Variants in CHRM3 observed in about 807,000 individuals in gnomAD.
The protein encoded by CHRM3 is muscarinic acetylcholine receptor M3.
CHRM3 carries 11 observed loss-of-function variants against 41.8 expected under a neutral mutation model. The observed-to-expected ratio is 0.26, with a 90% CI of 0.17 to 0.44. The LOEUF (loss-of-function observed/expected upper bound fraction) is 0.44, where lower values mean the gene tolerates loss of function less well. Among genes scored for constraint, CHRM3 ranks in the 20% least tolerant of loss-of-function variants. The pLI, the probability that CHRM3 is intolerant of heterozygous loss-of-function variation, is 1.00. For missense variants in CHRM3, 571 were observed against 745.4 expected, an observed-to-expected ratio of 0.77 and a Z score of 2.72; for synonymous variants, 297 against 301.4, an observed-to-expected ratio of 0.99 and a Z score of 0.15.
At chr1:239,844,855 A>T (rs1674133320) in intron 6 of CHRM3, among the ~76,000 whole-genome samples, 1 of 152,172 alleles carries the variant, frequency 6.6e-6, no homozygotes, top group Non-Finnish European at 1.5e-5. Context: ...CCAAACACTG[A>T]TATTCATTTT....
intron 1 of CHRM3, among the ~76,000 whole-genome samples, chr1:239,473,251 G>A (rs371520602): frequency 5.3e-5 from 7 of 131,192 alleles, no homozygotes; most frequent in East Asian, 2.4e-4. Flanking sequence ...CTTAATAAAC[G>A]TAAGCATATT....
chr1:239,429,973 CT>C (rs35583332), intron 1 of CHRM3, among the ~76,000 whole-genome samples: 114 of 138,146 alleles, frequency 8.3e-4, no homozygotes, highest in Middle Eastern at 3.9e-3. Flanking sequence ...CCCAGACAAT[CT>C]TTTTTTTTTT....
At chr1:239,815,788 G>C (rs188317731) in intron 5 of CHRM3, among the ~76,000 whole-genome samples, 1 of 152,242 alleles carries the variant, frequency 6.6e-6, no homozygotes, top group African/African-American at 2.4e-5. Flanking sequence ...TTTGATCTTG[G>C]AGCACATGGT....
intron 6 of CHRM3, among the ~76,000 whole-genome samples, chr1:239,900,356 T>C (rs1011192287): frequency 5.3e-5 from 8 of 151,522 alleles, no homozygotes; most frequent in African/African-American, 1.9e-4. Context: ...CTCTCATTTC[T>C]AATAAGTACT....
chr1:239,816,533 A>C (rs1217932854), intron 5 of CHRM3, among the ~76,000 whole-genome samples: 2 of 152,008 alleles, frequency 1.3e-5, no homozygotes, highest in East Asian at 3.9e-4. Context: ...CCTCCAGATA[A>C]CAAGCTCAGA....
chr1:239,468,009 G>A (rs1323683807), intron 1 of CHRM3, among the ~76,000 whole-genome samples: 11 of 152,000 alleles, frequency 7.2e-5, no homozygotes, highest in Admixed American at 4.6e-4. Context: ...ATGGAAATAT[G>A]CTAAAAGCAC....
At chr1:239,736,080 T>C (rs183905027) in intron 5 of CHRM3, among the ~76,000 whole-genome samples, 5 of 152,256 alleles carry the variant, frequency 3.3e-5, no homozygotes, top group Admixed American at 3.3e-4. Flanking sequence ...CTCTGAATAA[T>C]AGCAGCTAGT....
At chr1:239,874,711 A>C (rs1172359485) in intron 6 of CHRM3, among the ~76,000 whole-genome samples, 1 of 141,598 alleles carries the variant, frequency 7.1e-6, no homozygotes, top group Non-Finnish European at 1.5e-5. Context: ...TTTTTTTTTT[A>C]TTTTGCGATG....
chr1:239,783,559 A>G (rs1668662873), intron 5 of CHRM3, among the ~76,000 whole-genome samples: 2 of 152,184 alleles, frequency 1.3e-5, no homozygotes, highest in Admixed American at 1.3e-4. Flanking sequence ...AACAGAGAGA[A>G]GTGAGTAAAT....
At chr1:239,583,397 T>C (rs1663086223) in intron 3 of CHRM3, among the ~76,000 whole-genome samples, 1 of 152,154 alleles carries the variant, frequency 6.6e-6, no homozygotes, top group Non-Finnish European at 1.5e-5. Context: ...ATTCAAGAAA[T>C]AGGAAATGTC....
At chr1:239,435,979 G>A (rs901274364) in intron 1 of CHRM3, among the ~76,000 whole-genome samples, 6 of 152,066 alleles carry the variant, frequency 3.9e-5, no homozygotes, top group Non-Finnish European at 5.9e-5. Context: ...CATTAAAGTG[G>A]GGAAGTGGAA....
intron 3 of CHRM3, among the ~76,000 whole-genome samples, chr1:239,606,627 A>G (rs1304432408): frequency 6.6e-6 from 1 of 152,162 alleles, no homozygotes; most frequent in Non-Finnish European, 1.5e-5. Context: ...CATAAAGAAT[A>G]GCTCTGTGTT....
chr1:239,400,151 C>T (rs181652703), intron 1 of CHRM3, among the ~76,000 whole-genome samples: 100 of 152,262 alleles, frequency 6.6e-4, no homozygotes, highest in African/African-American at 2.2e-3. Context: ...TTAAGTGATC[C>T]GCCCACCTCG....
chr1:239,707,002 A>G (rs921724958), intron 5 of CHRM3: 1 of 152,204 alleles, frequency 6.6e-6, no homozygotes, highest in Non-Finnish European at 1.5e-5. Context: ...AACAAAGGCA[A>G]TGTATGGTAG....
intron 5 of CHRM3, among the ~76,000 whole-genome samples, chr1:239,784,678 T>C (rs1172066199): frequency 1.3e-5 from 2 of 152,188 alleles, no homozygotes; most frequent in East Asian, 1.9e-4. Context: ...ATAGAAGTTT[T>C]GATTTTACCT....
At chr1:239,539,781 A>C (rs1658576580) in intron 2 of CHRM3, among the ~76,000 whole-genome samples, 1 of 78,496 alleles carries the variant, frequency 1.3e-5, no homozygotes, top group South Asian at 4.5e-4. Flanking sequence ...TGCCCGGCTA[A>C]TTTTGGCATT....
intron 3 of CHRM3, among the ~76,000 whole-genome samples, chr1:239,618,603 G>T (rs377035786): frequency 2.0e-5 from 3 of 151,876 alleles, no homozygotes; most frequent in African/African-American, 2.4e-5. Flanking sequence ...CCAGCACTTT[G>T]GGAGGCCAAG....
intron 1 of CHRM3, among the ~76,000 whole-genome samples, chr1:239,429,553 A>C (rs961245811): frequency 6.6e-6 from 1 of 152,176 alleles, no homozygotes; most frequent in Admixed American, 6.5e-5. Flanking sequence ...AATTGCTGTT[A>C]ATCAGTGCTT....
Position 239,513,887 on chromosome 1 carries a change from A to G in CHRM3, c.-422+21080A>G, listed in dbSNP as rs569487306. ...TGTCCCAGCACCATTTGTTGAAGCG[A>G]TATCTTTGTTCCATAGTATTGCATT... is the stretch of plus-strand genomic sequence containing the variant. On this transcript the variant is annotated intron_variant, in intron 2 of 6. Coordinates refer to ENST00000676153, the MANE Select transcript of CHRM3 (RefSeq NM_001375978.1). Among the ~76,000 whole-genome samples the G allele has an allele frequency of 1.1e-4, 17 of 152,138 alleles. No homozygotes were observed. In the South Asian group the frequency reaches 3.3e-3, roughly 30 times the overall value.
Sources: gnomAD v4.1 joint callset for allele counts (sites outside exome capture counted in the v4.1 genomes callset) on GRCh38, gnomAD v4.1.1 for gene constraint, MANE v1.5 for transcripts, NCBI Gene and HGNC (gene_info 2026-07-23, HGNC 2026-07-21) for gene names.